Variants in PRPF8 observed in about 807,000 individuals in gnomAD.
The protein encoded by PRPF8 is pre-mRNA-processing-splicing factor 8.
PRPF8 carries 64 observed loss-of-function variants against 285.9 expected under a neutral mutation model. The observed-to-expected ratio is 0.22, with a 90% confidence interval of 0.18 to 0.28. PRPF8 has a LOEUF of 0.28. PRPF8 is among the 10% of genes least tolerant of loss of function. The pLI, the probability that PRPF8 is intolerant of heterozygous loss-of-function variation, is 1.00. For synonymous variants in PRPF8, 1,325 were observed against 1,118.2 expected (o/e 1.18, Z -3.69); for missense variants, 1,426 against 3,026.7 (o/e 0.47, Z 12.41).
Position 1,658,654 on chromosome 17 carries a change from C to T in PRPF8, c.5248G>A (p.Gly1750Arg). ...LYVLRERIRKGLQLYSSEPTE... is the reference protein window; with the variant it reads ...LYVLRERIRKRLQLYSSEPTE... ...GGTTCAGATGAATAGAGCTGTAGCC[C>T]CTTGCGGATCCGTTCACGTAACACA... The change falls in exon 33 of 43, where the codon GGG becomes AGG. Residue 1750 changes from glycine (G) to arginine (R), a missense_variant. By Grantham distance (125) the Gly-to-Arg change is moderately radical. Transcript: ENST00000304992. The surrounding 1 kb of genome is among the most constrained non-coding windows in gnomAD (Gnocchi z 4.1). 6.2e-7 allele frequency: 1 copy of T among 1,614,180 alleles called. No individual in the cohort carries two copies. The highest frequency in any genetic ancestry group is 8.5e-7 in the Non-Finnish European group (1 of 1,180,036).
Position 1,681,622 on chromosome 17 carries a change from A to C in PRPF8, c.722T>G (p.Leu241Arg). 6.2e-7 allele frequency: 1 copy of C among 1,614,168 alleles called. No homozygotes were observed. The highest frequency in any genetic ancestry group is 8.5e-7 in the Non-Finnish European group (1 of 1,180,036). ...TLPMMSTLYR[L>R]ANQLLTDLVD... Reference sequence around the variant, plus strand: ...CAAGTCTGTCAGGAGCTGATTAGCCAGGCGGTAGAGAGTCGACATCATAGG... The same window carrying C: ...CAAGTCTGTCAGGAGCTGATTAGCCCGGCGGTAGAGAGTCGACATCATAGG... The change falls in exon 6 of 43, where the codon CTG (leucine) becomes CGG (arginine). Residue 241 changes from leucine (L) to arginine (R), a missense_variant. Physicochemically the swap from Leu to Arg is moderately radical, Grantham distance 102. This residue lies in a region of PRPF8 where 157 missense variants were observed against 159.6 expected (regional missense o/e 0.98). Transcript: ENST00000304992.
rs1912977676 is a variant in PRPF8 at position 1,682,405 on chromosome 17, C to T, written c.270-112G>A. On this transcript the variant is annotated intron_variant, in intron 3 of 42. Transcript: ENST00000304992. ...CCACAGTCCTACCTTACAATCCAAACTCCCAAACTTAGCCCACAGGCCCTT... is the reference window on the plus strand; with the variant it reads ...CCACAGTCCTACCTTACAATCCAAATTCCCAAACTTAGCCCACAGGCCCTT... 38 of 1,402,672 alleles carry T rather than the reference C, an allele frequency of 2.7e-5. No homozygotes were observed. The South Asian group carries it at 3.1e-4, about 11-fold the overall frequency. The allele number at this position is 1,402,672 out of a possible 1,614,324, so 86.9% of individuals were successfully genotyped here. A position where few individuals can be genotyped will look rare whatever the true frequency, so the allele number is the denominator to read the frequency against.
Position 1,679,587 on chromosome 17 carries a change from CT to C in PRPF8, c.1289+21del, listed in dbSNP as rs754502720. On this transcript the variant is annotated intron_variant, in intron 9 of 42. Coordinates refer to ENST00000304992, the MANE Select transcript of PRPF8 (RefSeq NM_006445.4). This position sits in a 1 kb window ranked among gnomAD's most constrained non-coding sequence, Gnocchi z 4.7. Reference sequence around the variant, plus strand: ...TCCTACACATCCACTATCATTCCCCCTGCCACAGGGAAAAACCTTACCAGTT... The same window carrying C: ...TCCTACACATCCACTATCATTCCCCCGCCACAGGGAAAAACCTTACCAGTT... 2.5e-6 allele frequency: 4 copies of C among 1,612,564 alleles called. No homozygotes were observed. The highest frequency in any genetic ancestry group is 1.1e-5 in the South Asian group (1 of 91,002).
intron 24 of PRPF8, among the ~76,000 whole-genome samples, chr17:1,662,379 G>A (rs1353300586): frequency 2.0e-5 from 3 of 151,790 alleles, no homozygotes; most frequent in African/African-American, 4.8e-5. Context: ...GCTTGAGCCC[G>A]GGAGTTGGAG....
At chr17:1,656,345 C>T in intron 36 of PRPF8, 47 bp downstream of exon 36, 1 of 1,612,648 alleles carries the variant, frequency 6.2e-7, no homozygotes, top group Non-Finnish European at 8.5e-7. Context: ...TCTCCTAACC[C>T]TAAACCCGCT....
At position 1,650,770 on chromosome 17, in the gene PRPF8, T is replaced by C. The variant is rs765400068; in HGVS notation, c.*32A>G. On this transcript the variant is annotated 3_prime_UTR_variant, in exon 43 of 43. Transcript: ENST00000304992. ...GTCTGGAGGGGCTGAGGCTTCGGCC[T>C]CGGGAGGCTGAAGCAGGAGGCAGGG... 7.4e-6 allele frequency: 12 copies of C among 1,612,850 alleles called. No individual in the cohort carries two copies. The Admixed American group carries it at 1.8e-4, about 25-fold the overall frequency.
chr17:1,673,721 T>G lies in PRPF8; in HGVS notation c.3446+25A>C. ...GGCCCTTAGCTTATGTCCTTCCAGC[T>G]CACACAGCCCCAACCTAGACTCACA... On this transcript the variant is annotated intron_variant, in intron 22 of 42. Transcript: ENST00000304992. The surrounding 1 kb of genome is among the most constrained non-coding windows in gnomAD (Gnocchi z 5.5). 1 of 1,613,654 alleles carries G rather than the reference T, an allele frequency of 6.2e-7. No homozygotes were observed. Among genetic ancestry groups the G allele is most frequent in the Non-Finnish European group, 8.5e-7 (1 of 1,179,996 alleles).
chr17:1,667,778 G>C (rs976857983), intron 24 of PRPF8, among the ~76,000 whole-genome samples: 1 of 152,048 alleles, frequency 6.6e-6, no homozygotes, highest in Non-Finnish European at 1.5e-5. Context: ...TCCTGACCTC[G>C]TGATCCACCT....
chr17:1,669,055 T>C (rs1436025733), intron 24 of PRPF8, among the ~76,000 whole-genome samples: 1 of 152,206 alleles, frequency 6.6e-6, no homozygotes, highest in African/African-American at 2.4e-5. Flanking sequence ...TTCCTCTGCT[T>C]GCTCTTTATT....
At position 1,650,825 on chromosome 17, in the gene PRPF8, C is replaced by T. The variant is rs1567673540; in HGVS notation, c.6985G>A (p.Asp2329Asn). 1 of 1,614,130 alleles carries T rather than the reference C, an allele frequency of 6.2e-7. No individual in the cohort carries two copies. The highest frequency in any genetic ancestry group is 1.7e-5 in the Admixed American group (1 of 60,016). ...LLQEGEVYSA[D>N]REDLYA ...GGTCAGGCATACAGGTCCTCCCGAT[C>T]CGCAGAGTAAACCTCCCCCTCCTGC... Residue 2329 changes from aspartate to asparagine, a missense_variant, in exon 43 of 43, where the codon GAT becomes AAT. Coordinates refer to ENST00000304992, the MANE Select transcript of PRPF8 (RefSeq NM_006445.4).
At position 1,676,913 on chromosome 17, in the gene PRPF8, G is replaced by C. The variant is rs1448691321; in HGVS notation, c.2181+63C>G. 1.3e-6 allele frequency: 2 copies of C among 1,584,800 alleles called. No homozygotes were observed. The highest frequency in any genetic ancestry group is 1.7e-6 in the Non-Finnish European group (2 of 1,159,028). On this transcript the variant is annotated intron_variant, in intron 15 of 42. Transcript: ENST00000304992. This position sits in a 1 kb window ranked among gnomAD's most constrained non-coding sequence, Gnocchi z 6.3. ...GCCAGATAGCCCCCTAATGATTCCC[G>C]AAGTGGTAATCCTACCCTAAAGACG...
In PRPF8 at chr17:1,677,072, G is replaced by A; in HGVS notation, c.2085C>T (p.Asp695=). ...LRAAVMHDIL[D]MMPEGIKQNK... ...TCTGCTTGATCCCCTCAGGCATCAT[G>A]TCCAGAATATCATGCATCACAGCTG... Residue 695 remains aspartate, a synonymous_variant, in exon 15 of 43, where the codon GAC becomes GAT. Transcript: ENST00000304992. The A allele has an allele frequency of 1.2e-6, 2 of 1,613,942 alleles. No homozygotes were observed. Among genetic ancestry groups the A allele is most frequent in the Non-Finnish European group, 8.5e-7 (1 of 1,180,008 alleles).
chr17:1,666,244 T>C (rs992820745), intron 24 of PRPF8, among the ~76,000 whole-genome samples: 1 of 150,842 alleles, frequency 6.6e-6, no homozygotes, highest in Admixed American at 6.6e-5. Flanking sequence ...ATGGCAATGA[T>C]AAGAGAAGAA....
At chr17:1,655,941 T>A (rs897461634) in intron 36 of PRPF8, among the ~76,000 whole-genome samples, 12 of 100,070 alleles carry the variant, frequency 1.2e-4, no homozygotes, top group African/African-American at 5.3e-4. Context: ...TTTTTTTTTT[T>A]AGACAGTCTT....
At chr17:1,662,840 AAAAAG>A (rs1911743523) in intron 24 of PRPF8, among the ~76,000 whole-genome samples, 1 of 150,070 alleles carries the variant, frequency 6.7e-6, no homozygotes, top group African/African-American at 2.5e-5. Context: ...CAAAAAAAAA[AAAAAG>A]AAAAGAAAAA....
In PRPF8 at chr17:1,682,037, A is replaced by C. The variant is rs748866452; in HGVS notation, c.436T>G (p.Ser146Ala). 2.5e-6 allele frequency: 4 copies of C among 1,613,588 alleles called. No individual in the cohort carries two copies. In the African/African-American group the frequency reaches 4.0e-5, roughly 16 times the overall value. ...TCTCGGCGCATCATAATCCACATTG[A>C]CCTGGAAGGCAAGACATCACACAAC... ...IEPVYISQWGSMWIMMRREKR... is the reference protein window; with the variant it reads ...IEPVYISQWGAMWIMMRREKR... The change falls in exon 5 of 43, where the codon TCA (serine) becomes GCA (alanine). Residue 146 changes from serine to alanine, a missense_variant and splice_region_variant. Ser to Ala is a moderately conservative substitution (Grantham distance 99). This residue lies in a region of PRPF8 where 96 missense variants were observed against 188.3 expected (regional missense o/e 0.51). Coordinates refer to ENST00000304992, the MANE Select transcript of PRPF8 (RefSeq NM_006445.4).
chr17:1,683,936 GA>G (rs1913083713), intron 2 of PRPF8, among the ~76,000 whole-genome samples: 1 of 151,056 alleles, frequency 6.6e-6, no homozygotes. Context: ...TCCCAGGCTG[GA>G]GTGCAATGGT....
chr17:1,662,823 T>A (rs1290229970), intron 24 of PRPF8, among the ~76,000 whole-genome samples: 2 of 134,876 alleles, frequency 1.5e-5, no homozygotes, highest in East Asian at 2.1e-4. Flanking sequence ...AGAGCAAGAC[T>A]GTGTCTCAAA....
In PRPF8 at chr17:1,673,047, G is replaced by A; in HGVS notation, c.3774+34C>T. On this transcript the variant is annotated intron_variant, in intron 24 of 42. Coordinates refer to ENST00000304992, the MANE Select transcript of PRPF8 (RefSeq NM_006445.4). The surrounding 1 kb of genome is among the most constrained non-coding windows in gnomAD (Gnocchi z 5.5). ...GTGAAATGAGCAGAGGACAGCAGAGGACAAGAGGGAAGCTGGGCATGACGG... is the reference window on the plus strand; with the variant it reads ...GTGAAATGAGCAGAGGACAGCAGAGAACAAGAGGGAAGCTGGGCATGACGG... 1 of 1,586,944 alleles carries A rather than the reference G, an allele frequency of 6.3e-7. No homozygotes were observed. The highest frequency in any genetic ancestry group is 1.1e-5 in the South Asian group (1 of 90,526).
Sources: allele counts gnomAD v4.1 joint callset (sites outside exome capture counted in the v4.1 genomes callset), GRCh38; gene constraint gnomAD v4.1.1; regional missense constraint gnomAD v4.1.1; non-coding constraint Gnocchi (gnomAD v3.1); transcripts MANE v1.5; gene names NCBI Gene and HGNC (gene_info 2026-07-23, HGNC 2026-07-21).